Variants in ABCB4 observed in about 807,000 individuals in gnomAD.
The protein encoded by ABCB4 is phosphatidylcholine translocator ABCB4.
In ABCB4, 76 loss-of-function variants were observed where a neutral mutation model predicts 145.7. The observed-to-expected ratio is 0.52, with a 90% CI of 0.43 to 0.63. The LOEUF is 0.63. ABCB4 is among the 30% of genes least tolerant of loss of function. The probability of loss-of-function intolerance (pLI) is 0.00; values close to 1 mark genes in which losing one functional copy is unlikely to be tolerated. For missense variants in ABCB4, 1,234 were observed against 1,553.1 expected, an observed-to-expected ratio of 0.79 and a Z score of 3.45; for synonymous variants, 517 against 566.8, an observed-to-expected ratio of 0.91 and a Z score of 1.25.
At chr7:87,433,180 G>A (rs1810361047) in intron 14 of ABCB4, among the ~76,000 whole-genome samples, 1 of 152,162 alleles carries the variant, frequency 6.6e-6, no homozygotes, top group South Asian at 2.1e-4. Context: ...ATAAAGTAAT[G>A]TGGTATTTCT....
rs761094597 is a variant in ABCB4, at chr7:87,403,208, C to T, written c.3560G>A (p.Arg1187Gln). Residue 1187 changes from arginine to glutamine, a missense_variant, in exon 27 of 28, where the codon CGA (arginine) becomes CAA (glutamine). By Grantham distance (43) the Arg-to-Gln change is conservative (BLOSUM62 1). Around this residue, in one of 7 missense-constraint regions of ABCB4, gnomAD observed 301 missense variants for 389.0 expected, o/e 0.77. Coordinates refer to ENST00000649586, the MANE Select transcript of ABCB4 (RefSeq NM_000443.4). ...GATTTGAGGTTGTCTGATGAGGGCT[C>T]GGGCAATAGCAATCCTCTGTTTTTG... ...GGQKQRIAIA[R>Q]ALIRQPQILL... The T allele has an allele frequency of 1.9e-6, 3 of 1,613,844 alleles. No individual in the cohort carries two copies. Among genetic ancestry groups the T allele is most frequent in the Non-Finnish European group, 2.5e-6 (3 of 1,179,910 alleles).
At chr7:87,406,039 T>C in intron 26 of ABCB4, 1 of 563,450 alleles carries the variant, frequency 1.8e-6, no homozygotes, top group Non-Finnish European at 3.2e-6. Context: ...GCAGTCTAAA[T>C]GCAGCCCTCA....
At chr7:87,382,432 C>T in the ABCB4 span, 19 of 1,613,146 alleles carry the variant, frequency 1.2e-5, no homozygotes, top group East Asian at 2.2e-5. Flanking sequence ...CTACAGATTG[C>T]GGCTTATGCC....
Position 87,473,807 on chromosome 7 carries a change from T to A in ABCB4, c.81-1132A>T, listed in dbSNP as rs184918952. 2.6e-5 allele frequency among the ~76,000 whole-genome samples: 4 copies of A among 152,228 alleles called. No individual in the cohort carries two copies. In the East Asian group the frequency reaches 7.7e-4, roughly 29 times the overall value. ...AATATGATGCATTTATCCAGGTAAA[T>A]GATAAAGTTTTACTCATAAGATGAT... On this transcript the variant is annotated intron_variant, in intron 2 of 27. Coordinates refer to ENST00000649586, the MANE Select transcript of ABCB4 (RefSeq NM_000443.4).
chr7:87,463,251 A>G (rs1243685314), intron 3 of ABCB4, among the ~76,000 whole-genome samples: 1 of 79,214 alleles, frequency 1.3e-5, no homozygotes, highest in African/African-American at 1.3e-4. Flanking sequence ...GTTTAAACAC[A>G]CACACACACA....
chr7:87,470,831 C>A lies in ABCB4; in HGVS notation c.135+1790G>T, dbSNP rs1813335681. Among the ~76,000 whole-genome samples the A allele has an allele frequency of 4.6e-5, 7 of 152,164 alleles. No individual in the cohort carries two copies. The South Asian group carries it at 1.5e-3, about 32-fold the overall frequency. ...GTGGTGATTCCTCAAGGATCTAGAA[C>A]TAGAAATATCATTTGACCCAGCCAT... is the stretch of plus-strand genomic sequence containing the variant. On this transcript the variant is annotated intron_variant, in intron 3 of 27. Coordinates refer to ENST00000649586, the MANE Select transcript of ABCB4 (RefSeq NM_000443.4).
chr7:87,453,166 A>C (rs763757075), intron 5 of ABCB4, 31 bp from the exon 6 acceptor site: 1 of 1,592,536 alleles, frequency 6.3e-7, no homozygotes, highest in Non-Finnish European at 8.6e-7. Context: ...TCTATTAAAT[A>C]CCTTCTCTTT....
At chr7:87,438,500 G>C (rs1043745417) in intron 14 of ABCB4, among the ~76,000 whole-genome samples, 22 of 152,264 alleles carry the variant, frequency 1.4e-4, no homozygotes, top group African/African-American at 4.3e-4. Flanking sequence ...ATAAATCCTA[G>C]CACTTTGGGA....
intron 16 of ABCB4, among the ~76,000 whole-genome samples, chr7:87,425,677 C>A (rs1809754888): frequency 6.6e-6 from 1 of 151,848 alleles, no homozygotes; most frequent in South Asian, 2.1e-4. Flanking sequence ...TTATTTGTTC[C>A]AGCCTGGGCA....
At chr7:87,427,505 T>A (rs1347037667) in intron 15 of ABCB4, among the ~76,000 whole-genome samples, 1 of 152,154 alleles carries the variant, frequency 6.6e-6, no homozygotes, top group Non-Finnish European at 1.5e-5. Context: ...GGGGTGCTGA[T>A]CTAAGGACTT....
At chr7:87,424,508 T>C (rs1199634636) in intron 16 of ABCB4, among the ~76,000 whole-genome samples, 2 of 152,302 alleles carry the variant, frequency 1.3e-5, no homozygotes, top group Non-Finnish European at 2.9e-5. Context: ...CCTGAGTAGA[T>C]GGATAAACAT....
chr7:87,375,083 A>G, the ABCB4 span, among the ~76,000 whole-genome samples: 2 of 152,198 alleles, frequency 1.3e-5, no homozygotes, highest in African/African-American at 4.8e-5. Context: ...CTTAGCTAAT[A>G]GAGTCTTTAA....
the ABCB4 span, chr7:87,375,261 A>T: frequency 2.7e-5 from 5 of 185,766 alleles, no homozygotes; most frequent in Non-Finnish European, 4.5e-5. Flanking sequence ...GATGTACATT[A>T]TATTTGTGAA....
At chr7:87,371,803 C>G in the ABCB4 span, among the ~76,000 whole-genome samples, 3 of 151,902 alleles carry the variant, frequency 2.0e-5, no homozygotes, top group African/African-American at 4.8e-5. Flanking sequence ...CCAGCCTGGG[C>G]AACATAGGGG....
At chr7:87,459,513 T>G (rs969058985) in intron 4 of ABCB4, among the ~76,000 whole-genome samples, 1 of 152,234 alleles carries the variant, frequency 6.6e-6, no homozygotes, top group African/African-American at 2.4e-5. Context: ...CCATTGTATG[T>G]ATCTACCATA....
chr7:87,402,999 A>T, intron 27 of ABCB4, 136 bp downstream of exon 27: 1 of 1,033,418 alleles, frequency 9.7e-7, no homozygotes, highest in South Asian at 1.3e-5. Context: ...CCGTCTCAAA[A>T]AAATAAAAAT....
intron 3 of ABCB4, among the ~76,000 whole-genome samples, chr7:87,469,287 G>C (rs924012842): frequency 1.3e-5 from 2 of 152,142 alleles, no homozygotes; most frequent in Non-Finnish European, 2.9e-5. Context: ...GGAAAAACTG[G>C]AAGCATTCCC....
chr7:87,368,259 G>A, the ABCB4 span, among the ~76,000 whole-genome samples: 1 of 152,154 alleles, frequency 6.6e-6, no homozygotes, highest in Non-Finnish European at 1.5e-5. Context: ...TTATTGTGAG[G>A]TAGCACCCTT....
chr7:87,475,753 G>A (rs1340884847), upstream of ABCB4: 3 of 309,850 alleles, frequency 9.7e-6, no homozygotes, highest in East Asian at 6.9e-5. Flanking sequence ...ACGCGCGTCC[G>A]GCCCGGGAAA....
Sources: gnomAD v4.1 joint callset for allele counts (sites outside exome capture counted in the v4.1 genomes callset) on GRCh38, gnomAD v4.1.1 for gene constraint, gnomAD v4.1.1 regional missense constraint, MANE v1.5 for transcripts, NCBI Gene and HGNC (gene_info 2026-07-23, HGNC 2026-07-21) for gene names.